FZD3: variants seen among roughly 807,000 people sequenced by gnomAD.
FZD3 encodes the protein frizzled class receptor 3.
FZD3 carries 30 observed loss-of-function variants against 60.7 expected under a neutral mutation model. That is an observed-to-expected ratio of 0.49 (90% CI 0.37 to 0.67). The LOEUF (loss-of-function observed/expected upper bound fraction) is 0.67, where lower values mean the gene tolerates loss of function less well. Ranked by LOEUF, FZD3 falls within the 30% of genes least tolerant of loss-of-function variation. The pLI is 0.00. For missense variants in FZD3, 605 were observed against 838.7 expected (o/e 0.72, Z 3.44); for synonymous variants, 246 against 275.2 (o/e 0.89, Z 1.05).
intron 5 of FZD3, among the ~76,000 whole-genome samples, chr8:28,536,850 AT>A (rs1805028963): frequency 6.6e-6 from 1 of 152,238 alleles, no homozygotes. Context: ...CTAATTTGTT[AT>A]GATTTTAGCT....
In FZD3 at chr8:28,553,995, T is replaced by C. The variant is rs76445865; in HGVS notation, c.1554-1743T>C. Among the ~76,000 whole-genome samples the C allele has an allele frequency of 4.8e-3, 734 of 152,336 alleles. 28 individuals are homozygous for C. In the East Asian group the frequency reaches 0.093, roughly 19 times the overall value. On this transcript the variant is annotated intron_variant, in intron 6 of 7. Transcript: ENST00000240093. ...TTCATAACAAGTGATTGCTAACATA[T>C]AGATGCAAGCCCAGTCTGACTCCAG...
intron 1 of FZD3, among the ~76,000 whole-genome samples, chr8:28,498,928 A>AT (rs1213274809): frequency 2.6e-4 from 40 of 152,266 alleles, no homozygotes; most frequent in Admixed American, 6.5e-5. Flanking sequence ...TGGTTATCTG[A>AT]TTTTTTTAGT....
chr8:28,553,582 A>G (rs958027403), intron 6 of FZD3, among the ~76,000 whole-genome samples: 1 of 152,174 alleles, frequency 6.6e-6, no homozygotes, highest in Non-Finnish European at 1.5e-5. Flanking sequence ...TATCCTAGTT[A>G]GTTTGCGGGG....
At chr8:28,540,521 A>G (rs952803671) in intron 5 of FZD3, among the ~76,000 whole-genome samples, 2 of 152,152 alleles carry the variant, frequency 1.3e-5, no homozygotes, top group South Asian at 2.1e-4. Flanking sequence ...GTTTTTTCCA[A>G]TTGCAAATGT....
chr8:28,530,915 C>CT (rs1307235243), intron 5 of FZD3, among the ~76,000 whole-genome samples: 1 of 152,118 alleles, frequency 6.6e-6, no homozygotes, highest in Admixed American at 6.6e-5. Flanking sequence ...TACTGCAACT[C>CT]TATTTTTTAA....
intron 3 of FZD3, among the ~76,000 whole-genome samples, chr8:28,510,260 G>C (rs939295330): frequency 6.6e-6 from 1 of 152,114 alleles, no homozygotes; most frequent in African/African-American, 2.4e-5. Context: ...GGAAACAACT[G>C]TGTTTCTGGT....
Position 28,565,842 on chromosome 8 carries a change from A to C in FZD3, c.*2831A>C, listed in dbSNP as rs1303605254. ...TAAGTCTGGACAGTTTTCCTACCAT[A>C]TGTTTAACTTTGATTGGCATATGAT... On this transcript the variant is annotated 3_prime_UTR_variant, in exon 8 of 8. Transcript: ENST00000240093. 6.6e-6 allele frequency: 1 copy of C among 152,136 alleles called. No individual in the cohort carries two copies. Among genetic ancestry groups the C allele is most frequent in the Non-Finnish European group, 1.5e-5 (1 of 67,974 alleles). The allele number at this position is 152,136 out of a possible 1,614,324, so 9.4% of individuals were successfully genotyped here.
intron 5 of FZD3, among the ~76,000 whole-genome samples, chr8:28,545,341 G>A (rs145225977): frequency 2.0e-4 from 30 of 152,258 alleles, no homozygotes; most frequent in African/African-American, 6.5e-4. Context: ...AAGATCTCTT[G>A]GAATGCTTGC....
chr8:28,499,492 G>C (rs1266710989), intron 1 of FZD3, among the ~76,000 whole-genome samples: 1 of 151,864 alleles, frequency 6.6e-6, no homozygotes, highest in Non-Finnish European at 1.5e-5. Context: ...TAATATTTTG[G>C]TTGTGCATCA....
At position 28,569,107 on chromosome 8, in the gene FZD3, T is replaced by C. The variant is rs1322244305; in HGVS notation, c.*6096T>C. 6.6e-6 allele frequency: 1 copy of C among 151,636 alleles called. No homozygotes were observed. The highest frequency in any genetic ancestry group is 2.4e-5 in the African/African-American group (1 of 41,162). 9.4% of individuals were successfully genotyped at this position (151,636 alleles called of 1,614,324 possible). A position where few individuals can be genotyped will look rare whatever the true frequency, so the allele number is the denominator to read the frequency against. ...GATTACTTTATTATTATTGTAGCTTTAAGGTTTTTTGTTGTATAAGTCAGC... is the reference window on the plus strand; with the variant it reads ...GATTACTTTATTATTATTGTAGCTTCAAGGTTTTTTGTTGTATAAGTCAGC... On this transcript the variant is annotated 3_prime_UTR_variant, in exon 8 of 8. Coordinates refer to ENST00000240093, the MANE Select transcript of FZD3 (RefSeq NM_017412.4).
chr8:28,555,247 A>G (rs1805487474), intron 6 of FZD3, among the ~76,000 whole-genome samples: 1 of 152,238 alleles, frequency 6.6e-6, no homozygotes, highest in Non-Finnish European at 1.5e-5. Flanking sequence ...ACAACTTAAA[A>G]AAATATTGTA....
At chr8:28,511,305 G>A (rs1804282727) in intron 3 of FZD3, among the ~76,000 whole-genome samples, 1 of 152,116 alleles carries the variant, frequency 6.6e-6, no homozygotes, top group African/African-American at 2.4e-5. Flanking sequence ...GGCCAACATG[G>A]TGAAACCCCG....
At chr8:28,525,428 G>C (rs1804691940) in intron 4 of FZD3, among the ~76,000 whole-genome samples, 1 of 152,132 alleles carries the variant, frequency 6.6e-6, no homozygotes, top group Non-Finnish European at 1.5e-5. Context: ...TTTGGACCAG[G>C]GACTTGAATG....
rs386412443 is a variant in FZD3, at chr8:28,550,481, C to CTTTTTTTTTTTTTTTTTT, written c.1405-1114_1405-1097dup. Among the ~76,000 whole-genome samples, 56 of 34,342 alleles carry CTTTTTTTTTTTTTTTTTT rather than the reference C, an allele frequency of 1.6e-3. 1 individual carries two copies. Among genetic ancestry groups the CTTTTTTTTTTTTTTTTTT allele is most frequent in the East Asian group, 3.7e-3 (3 of 818 alleles). 22.5% of individuals were successfully genotyped at this position (34,342 alleles called of 152,430 possible). ...ACAAATACTTTATTTCTTCTTTTAT[C>CTTTTTTTTTTTTTTTTTT]TTTTTTTTTTTTTTTTTTTTTTTTT... On this transcript the variant is annotated intron_variant, in intron 5 of 7. Coordinates refer to ENST00000240093, the MANE Select transcript of FZD3 (RefSeq NM_017412.4).
chr8:28,528,125 A>G lies in FZD3; in HGVS notation c.1365A>G (p.Gln455=), dbSNP rs748739796. 1.2e-5 allele frequency: 20 copies of G among 1,613,696 alleles called. No individual in the cohort carries two copies. The highest frequency in any genetic ancestry group is 4.5e-5 in the East Asian group (2 of 44,898). The stretch of plus-strand genomic sequence containing the variant: ...GCATCTGGGAAACAACGTGGATACA[A>G]GAACGCTGCAGAGAATATCACATTC... ...YRGIWETTWI[Q]ERCREYHIPC... The change falls in exon 5 of 8, where the codon CAA becomes CAG. Residue 455 remains glutamine, a synonymous_variant. Transcript: ENST00000240093.
At chr8:28,494,507 C>T (rs1156632768) in intron 1 of FZD3, among the ~76,000 whole-genome samples, 164 bp downstream of exon 1, 1 of 152,096 alleles carries the variant, frequency 6.6e-6, no homozygotes, top group Middle Eastern at 3.4e-3. Context: ...TCGTTCCTCT[C>T]GTCGCGGCCA....
chr8:28,552,396 A>G (rs576980357), intron 6 of FZD3, among the ~76,000 whole-genome samples: 2 of 152,360 alleles, frequency 1.3e-5, no homozygotes, highest in East Asian at 3.9e-4. Context: ...ATAAGGGCAT[A>G]TTTAAGGAAT....
intron 1 of FZD3, among the ~76,000 whole-genome samples, chr8:28,494,826 C>G (rs1803797700): frequency 6.6e-6 from 1 of 152,004 alleles, no homozygotes; most frequent in Non-Finnish European, 1.5e-5. Flanking sequence ...AGACAATGCT[C>G]CGGGGGCTCC....
At chr8:28,507,310 T>G (rs1261937241) in intron 3 of FZD3, among the ~76,000 whole-genome samples, 1 of 152,236 alleles carries the variant, frequency 6.6e-6, no homozygotes, top group African/African-American at 2.4e-5. Context: ...TTTATTTTGC[T>G]GATTGCATCC....
Sources: gnomAD v4.1 joint callset for allele counts (sites outside exome capture counted in the v4.1 genomes callset) on GRCh38, gnomAD v4.1.1 for gene constraint, MANE v1.5 for transcripts, NCBI Gene and HGNC (gene_info 2026-07-23, HGNC 2026-07-21) for gene names.